The following CYFIP1 variants were observed in gnomAD, a reference collection of about 807,000 sequenced individuals.
CYFIP1 encodes the protein cytoplasmic FMR1-interacting protein 1.
Under a neutral mutation model 163.5 loss-of-function variants are expected in CYFIP1, and 58 were observed. The ratio of observed to expected loss-of-function variants is 0.35; its 90% CI spans 0.29 to 0.44. CYFIP1 has a LOEUF of 0.44. Among genes scored for constraint, CYFIP1 ranks in the 20% least tolerant of loss-of-function variants. The pLI is 1.00. For synonymous variants in CYFIP1, 663 were observed against 660.7 expected (o/e 1.00, Z -0.05); for missense variants, 1,338 against 1,653.8 (o/e 0.81, Z 3.31).
chr15:22,969,860 C>T (rs183568773), intron 1 of CYFIP1, among the ~76,000 whole-genome samples: 35 of 152,224 alleles, frequency 2.3e-4, no homozygotes, highest in African/African-American at 7.2e-4. Flanking sequence ...AGTGGCAATA[C>T]TAACATTAGA....
chr15:22,963,847 C>T (rs545954852), intron 1 of CYFIP1, among the ~76,000 whole-genome samples: 1 of 152,234 alleles, frequency 6.6e-6, no homozygotes, highest in South Asian at 2.1e-4. Context: ...GATGCCTGGA[C>T]ACCATGCCTT....
chr15:22,914,014 C>T (rs1207681792), intron 17 of CYFIP1, among the ~76,000 whole-genome samples: 1 of 152,220 alleles, frequency 6.6e-6, no homozygotes, highest in African/African-American at 2.4e-5. Context: ...CCATGAGACA[C>T]ACCCTTTTCC....
At chr15:22,904,007 G>T in intron 21 of CYFIP1, 102 bp from the exon 22 acceptor site, 1 of 1,102,532 alleles carries the variant, frequency 9.1e-7, no homozygotes. Context: ...CCCTGGCAGG[G>T]CTGCACGGAG....
At chr15:22,873,757 C>T (rs199644154) in intron 28 of CYFIP1, 28 bp from the exon 29 acceptor site, 124 of 1,584,380 alleles carry the variant, frequency 7.8e-5, no homozygotes, top group Admixed American at 8.5e-5. Context: ...CGTGGAATGC[C>T]GTGGGCCTCC....
intron 6 of CYFIP1, among the ~76,000 whole-genome samples, chr15:22,941,235 T>G: frequency 7.0e-6 from 1 of 143,686 alleles, no homozygotes; most frequent in African/African-American, 2.6e-5. Context: ...TTTTTTGCTC[T>G]TGTTTTTTTA....
chr15:22,924,996 C>A (rs981703928), intron 13 of CYFIP1, among the ~76,000 whole-genome samples: 24 of 152,060 alleles, frequency 1.6e-4, no homozygotes, highest in African/African-American at 4.8e-4. Context: ...TGCTTGAGTC[C>A]AGGAGGCTGA....
In CYFIP1 at chr15:22,867,323, T is replaced by TTTA. The variant is rs1388576147; in HGVS notation, c.*2702_*2704dup. 5 of 397,634 alleles carry TTTA rather than the reference T, an allele frequency of 1.3e-5. No individual in the cohort carries two copies. The South Asian group carries it at 3.9e-4, about 31-fold the overall frequency. The allele number at this position is 397,634 out of a possible 1,614,324, so 24.6% of individuals were successfully genotyped here. A position where few individuals can be genotyped will look rare whatever the true frequency, so the allele number is the denominator to read the frequency against. ...TCCTGTTTGTTTGATGATGATTGGT[T>TTTA]TTATTTTTGAAATATTTATTAAGGG... On this transcript the variant is annotated 3_prime_UTR_variant, in exon 31 of 31. Transcript: ENST00000617928.
chr15:22,922,206 G>GT (rs1167179107), intron 13 of CYFIP1, among the ~76,000 whole-genome samples: 1 of 152,134 alleles, frequency 6.6e-6, no homozygotes, highest in African/African-American at 2.4e-5. Context: ...GCCTACTGCT[G>GT]TACCAGTCTG....
intron 11 of CYFIP1, among the ~76,000 whole-genome samples, chr15:22,930,734 G>A (rs62011564): frequency 0.26 from 39,085 of 152,130 alleles, 5,912 homozygotes; most frequent in Middle Eastern, 0.38. Flanking sequence ...GGTATAGAGT[G>A]TGTTTGTGTT....
At chr15:22,921,086 G>A (rs1274981064) in intron 13 of CYFIP1, among the ~76,000 whole-genome samples, 1 of 152,076 alleles carries the variant, frequency 6.6e-6, no homozygotes, top group Non-Finnish European at 1.5e-5. Context: ...ATAACTAAAA[G>A]CACCCGGGCG....
At position 22,868,704 on chromosome 15, in the gene CYFIP1, C is replaced by G. The variant is rs1024843191; in HGVS notation, c.*1324G>C. On this transcript the variant is annotated 3_prime_UTR_variant, in exon 31 of 31. Coordinates refer to ENST00000617928, the MANE Select transcript of CYFIP1 (RefSeq NM_014608.6). ...CTTACTACTTTTCTGTGCCGTGCATCATATGCTTCTGGACAGTTTCCAAAG... is the reference window on the plus strand; with the variant it reads ...CTTACTACTTTTCTGTGCCGTGCATGATATGCTTCTGGACAGTTTCCAAAG... 5.3e-5 allele frequency: 8 copies of G among 152,180 alleles called. No individual in the cohort carries two copies. The highest frequency in any genetic ancestry group is 1.9e-4 in the African/African-American group (8 of 41,408). 9.4% of individuals were successfully genotyped at this position (152,180 alleles called of 1,614,324 possible).
rs1035592683 is a variant in CYFIP1 at position 22,933,845 on chromosome 15, T to C, written c.949A>G (p.Arg317Gly). Residue 317 changes from arginine to glycine, a missense_variant, in exon 10 of 31, where the codon AGA (arginine) becomes GGA (glycine). Physicochemically the swap from Arg to Gly is moderately radical, Grantham distance 125 (BLOSUM62 -2). Transcript: ENST00000617928. The part of the protein sequence containing the change: ...LFGDMQIELA[R>G]YIKTSAHYEE... ...TAGTGGGCGCTGGTCTTGATATATC[T>C]TGCCAGTTCTATTTGCATGTCCCCA... 18 of 1,613,510 alleles carry C rather than the reference T, an allele frequency of 1.1e-5. No homozygotes were observed. The African/African-American group carries it at 2.1e-4, about 19-fold the overall frequency.
In CYFIP1 at chr15:22,910,768, T is replaced by C. The variant is rs755050959; in HGVS notation, c.2128A>G (p.Ile710Val). 1.2e-6 allele frequency: 2 copies of C among 1,614,000 alleles called. No individual in the cohort carries two copies. The highest frequency in any genetic ancestry group is 2.2e-5 in the East Asian group (1 of 44,874). ...DQFVYKLADQ[I>V]FAYYKVMAGS... ...GCCATAACCTTATAATAGGCAAATA[T>C]CTGGTCTGCTAGCTTGTAAACAAAT... Residue 710 changes from isoleucine (I) to valine (V), a missense_variant, in exon 19 of 31, where the codon ATA becomes GTA. Transcript: ENST00000617928.
At chr15:22,964,771 T>C (rs773667297) in intron 1 of CYFIP1, among the ~76,000 whole-genome samples, 26 of 152,162 alleles carry the variant, frequency 1.7e-4, no homozygotes, top group Non-Finnish European at 2.6e-4. Flanking sequence ...GAAAGTGATT[T>C]GTCCAAATTC....
intron 1 of CYFIP1, 153 bp from the exon 2 acceptor site, chr15:22,947,444 C>T (rs17841096): frequency 0.25 from 268,537 of 1,065,944 alleles, 36,104 homozygotes; most frequent in Admixed American, 0.35. Context: ...TTGGGAGTTG[C>T]GTGTCTCTCT....
chr15:22,887,075 A>G (rs2059944997), intron 23 of CYFIP1, among the ~76,000 whole-genome samples: 2 of 152,182 alleles, frequency 1.3e-5, no homozygotes. Context: ...ATCTTATATT[A>G]ATACAGCCAC....
intron 22 of CYFIP1, among the ~76,000 whole-genome samples, chr15:22,896,246 G>A (rs1014947234): frequency 3.9e-5 from 6 of 152,190 alleles, no homozygotes; most frequent in South Asian, 2.1e-4. Context: ...ACGTTGCCTC[G>A]GGTACACTGA....
At chr15:22,958,618 G>T (rs1352014597) in intron 1 of CYFIP1, among the ~76,000 whole-genome samples, 4 of 152,174 alleles carry the variant, frequency 2.6e-5, no homozygotes, top group African/African-American at 9.7e-5. Flanking sequence ...CTGCCTCTGG[G>T]AGGGGTCTCC....
At chr15:22,886,932 A>C (rs78573080) in intron 23 of CYFIP1, among the ~76,000 whole-genome samples, 3,262 of 152,298 alleles carry the variant, frequency 0.021, 115 homozygotes, top group African/African-American at 0.073. Context: ...TACTTCTATT[A>C]GTCTTTCCTT....
Sources: allele counts gnomAD v4.1 joint callset (sites outside exome capture counted in the v4.1 genomes callset), GRCh38; gene constraint gnomAD v4.1.1; transcripts MANE v1.5; gene names NCBI Gene and HGNC (gene_info 2026-07-23, HGNC 2026-07-21).